RIMS1: variants seen among roughly 807,000 people sequenced by gnomAD.
The protein encoded by RIMS1 is regulating synaptic membrane exocytosis protein 1.
In RIMS1, 83 loss-of-function variants were observed where a neutral mutation model predicts 214.1. The ratio of observed to expected loss-of-function variants is 0.39; its 90% confidence interval spans 0.32 to 0.47. RIMS1 has a LOEUF of 0.47. Among genes scored for constraint, RIMS1 ranks in the 20% least tolerant of loss-of-function variants. The pLI, the probability that RIMS1 is intolerant of heterozygous loss-of-function variation, is 0.99. For missense variants in RIMS1, 2,050 were observed against 2,161.8 expected (o/e 0.95, Z 1.03); for synonymous variants, 793 against 786.8 (o/e 1.01, Z -0.13).
chr6:72,089,207 G>T (rs1310134193), intron 2 of RIMS1, among the ~76,000 whole-genome samples: 1 of 152,128 alleles, frequency 6.6e-6, no homozygotes, highest in Non-Finnish European at 1.5e-5. Context: ...TAGAATTCCT[G>T]ATGTAATTTA....
In RIMS1 at chr6:71,911,525, T is replaced by C. The variant is rs540379278; in HGVS notation, c.164+24338T>C. On this transcript the variant is annotated intron_variant, in intron 1 of 33. Transcript: ENST00000521978. Reference sequence around the variant, plus strand: ...CTTGGCAATAGTAAAGGAAAGAAGCTTCCCTTAGATCCCCATACTCTGGCC... The same window carrying C: ...CTTGGCAATAGTAAAGGAAAGAAGCCTCCCTTAGATCCCCATACTCTGGCC... Among the ~76,000 whole-genome samples, 20 of 152,282 alleles carry C rather than the reference T, an allele frequency of 1.3e-4. No individual in the cohort carries two copies. In the South Asian group the frequency reaches 3.5e-3, roughly 27 times the overall value.
intron 4 of RIMS1, chr6:72,126,602 A>G (rs2039552458): frequency 5.4e-6 from 1 of 185,412 alleles, no homozygotes; most frequent in Non-Finnish European, 1.2e-5. Flanking sequence ...TAATTCCATC[A>G]AAACATGGGC....
intron 22 of RIMS1, among the ~76,000 whole-genome samples, chr6:72,268,439 T>G (rs921263342): frequency 6.6e-6 from 1 of 152,222 alleles, no homozygotes; most frequent in Non-Finnish European, 1.5e-5. Context: ...TTCTACAAAT[T>G]TGTCAACTAT....
intron 9 of RIMS1, among the ~76,000 whole-genome samples, chr6:72,240,830 A>G (rs1353629245): frequency 2.6e-5 from 4 of 152,000 alleles, no homozygotes; most frequent in African/African-American, 9.7e-5. Context: ...AGCCTGGCCA[A>G]CATGGTGAAA....
chr6:72,213,205 C>T, intron 6 of RIMS1: 1 of 1,536,452 alleles, frequency 6.5e-7, no homozygotes, highest in South Asian at 1.2e-5. Flanking sequence ...ACAATTGAAG[C>T]TCGACGAGCA....
intron 4 of RIMS1, among the ~76,000 whole-genome samples, chr6:72,172,470 A>T (rs1036196035): frequency 6.6e-6 from 1 of 152,170 alleles, no homozygotes; most frequent in African/African-American, 2.4e-5. Context: ...AACTCTTCAC[A>T]GCTCTTGTAG....
intron 2 of RIMS1, among the ~76,000 whole-genome samples, chr6:72,086,825 T>G (rs1200474937): frequency 6.6e-6 from 1 of 152,196 alleles, no homozygotes; most frequent in Non-Finnish European, 1.5e-5. Flanking sequence ...ATCAGTAGAT[T>G]GACATGATTG....
intron 29 of RIMS1, among the ~76,000 whole-genome samples, chr6:72,386,599 T>C (rs1052681127): frequency 6.6e-6 from 1 of 152,104 alleles, no homozygotes; most frequent in South Asian, 2.1e-4. Context: ...CACTTCCCCC[T>C]GCCCTGCTTA....
intron 6 of RIMS1, among the ~76,000 whole-genome samples, chr6:72,225,032 TTAAAAA>T (rs2059761918): frequency 6.6e-6 from 1 of 152,172 alleles, no homozygotes; most frequent in Non-Finnish European, 1.5e-5. Context: ...AATTTCCAAC[TTAAAAA>T]TAAAGTCCTT....
At chr6:72,149,158 G>A (rs538682582) in intron 4 of RIMS1, among the ~76,000 whole-genome samples, 6 of 152,228 alleles carry the variant, frequency 3.9e-5, no homozygotes, top group African/African-American at 1.4e-4. Context: ...AACTTTAATT[G>A]CTGCATCCTC....
At chr6:72,149,142 A>C (rs1472618644) in intron 4 of RIMS1, among the ~76,000 whole-genome samples, 1 of 152,024 alleles carries the variant, frequency 6.6e-6, no homozygotes, top group African/African-American at 2.4e-5. Context: ...CAACAGGGGA[A>C]AAAAAAACTT....
At chr6:72,159,429 AT>A (rs1329808594) in intron 4 of RIMS1, among the ~76,000 whole-genome samples, 1 of 140,676 alleles carries the variant, frequency 7.1e-6, no homozygotes, top group African/African-American at 2.5e-5. Flanking sequence ...TTTTGTTGCC[AT>A]TGCTTTTGGT....
intron 28 of RIMS1, 106 bp downstream of exon 28, chr6:72,313,778 G>T: frequency 8.8e-7 from 1 of 1,142,848 alleles, no homozygotes; most frequent in Non-Finnish European, 1.2e-6. Flanking sequence ...GTCACAGTGG[G>T]TTAAGTATTT....
chr6:72,290,824 C>T lies in RIMS1; in HGVS notation c.3700C>T (p.Pro1234Ser), dbSNP rs376024280. The change falls in exon 25 of 34, where the codon CCT becomes TCT. Residue 1234 changes from proline (P) to serine (S), a missense_variant. By Grantham distance (74) the Pro-to-Ser change is moderately conservative. Around this residue, in one of 6 missense-constraint regions of RIMS1, gnomAD observed 889 missense variants for 885.5 expected, o/e 1.00. Transcript: ENST00000521978. ...ACTGTGTTCTATGCACCACCTTGTC[C>T]CTGGAGGGTCGGCGCCACCTTCTCC... ...RTLCSMHHLV[P>S]GGSAPPSPLL... 4 of 1,613,124 alleles carry T rather than the reference C, an allele frequency of 2.5e-6. No homozygotes were observed. The African/African-American group carries it at 5.3e-5, about 22-fold the overall frequency.
At chr6:71,973,954 GC>G (rs1796528527) in intron 2 of RIMS1, among the ~76,000 whole-genome samples, 1 of 151,622 alleles carries the variant, frequency 6.6e-6, no homozygotes, top group African/African-American at 2.4e-5. Context: ...GAGCAAGGGG[GC>G]ACTAGCTCAG....
intron 29 of RIMS1, among the ~76,000 whole-genome samples, chr6:72,340,783 T>A (rs913454168): frequency 3.3e-5 from 5 of 152,050 alleles, no homozygotes; most frequent in African/African-American, 1.2e-4. Context: ...TTTGGTTCCA[T>A]ATGAACTTTA....
intron 2 of RIMS1, among the ~76,000 whole-genome samples, chr6:72,013,547 T>A (rs1214040044): frequency 6.6e-6 from 1 of 152,204 alleles, no homozygotes; most frequent in Non-Finnish European, 1.5e-5. Context: ...TGTGAAAATG[T>A]GGACTAAGTG....
At chr6:72,263,695 T>C in intron 19 of RIMS1, 2 of 985,210 alleles carry the variant, frequency 2.0e-6, no homozygotes, top group Non-Finnish European at 2.4e-6. Context: ...TTCAGTAAAA[T>C]TTGTCCTCAA....
intron 2 of RIMS1, among the ~76,000 whole-genome samples, chr6:71,977,746 G>A (rs1234896282): frequency 1.3e-5 from 2 of 149,070 alleles, no homozygotes; most frequent in Non-Finnish European, 3.0e-5. Context: ...TCCTTATGTG[G>A]AAAACAGAGT....
Sources: allele counts gnomAD v4.1 joint callset (sites outside exome capture counted in the v4.1 genomes callset), GRCh38; gene constraint gnomAD v4.1.1; regional missense constraint gnomAD v4.1.1; transcripts MANE v1.5; gene names NCBI Gene and HGNC (gene_info 2026-07-23, HGNC 2026-07-21).